Variants in PRELID3A observed in about 807,000 individuals in gnomAD.
PRELID3A encodes the protein PRELI domain containing 3A, also known as PRELI domain containing protein 3A.
In PRELID3A, 27 loss-of-function variants were observed where a neutral mutation model predicts 23.0. The observed-to-expected ratio is 1.17, with a 90% CI of 0.87 to 1.62. The LOEUF (loss-of-function observed/expected upper bound fraction) is 1.62. PRELID3A is among the 40% of genes most tolerant of loss of function. The pLI is 0.00. For synonymous variants in PRELID3A, 87 were observed against 86.4 expected, an observed-to-expected ratio of 1.01 and a Z score of -0.04; for missense variants, 231 against 231.4, an observed-to-expected ratio of 1.00 and a Z score of 0.01.
chr18:12,411,902 T>G (rs1909925617), intron 1 of PRELID3A, among the ~76,000 whole-genome samples: 3 of 146,888 alleles, frequency 2.0e-5, no homozygotes, highest in African/African-American at 7.8e-5. Flanking sequence ...CATATTGTCT[T>G]CTTTTCTTTC....
rs757897275 is a variant in PRELID3A, at chr18:12,420,448, G to C, written c.156G>C (p.Leu52Phe). 5.7e-6 allele frequency: 9 copies of C among 1,575,370 alleles called. No homozygotes were observed. In the South Asian group the frequency reaches 1.0e-4, roughly 18 times the overall value. The change falls in exon 2 of 7, where the codon TTG (leucine) becomes TTC (phenylalanine). Residue 52 changes from leucine to phenylalanine, a missense_variant. Physicochemically the swap from Leu to Phe is conservative, Grantham distance 22 (BLOSUM62 0). Coordinates refer to ENST00000440960, the MANE Select transcript of PRELID3A (RefSeq NM_001142405.2). The part of the protein sequence containing the change: ...RVDGRGRLHS[L>F]RLLSTEWGLP... ...ACGGCCGCGGCCGCCTGCACAGCTT[G>C]CGCCTGCTCAGCACCGAGTGGGGGC...
rs575522620 is a variant in PRELID3A at position 12,411,309 on chromosome 18, A to T, written c.32+3302A>T. ...CTGTCTCTACTAAAAAATAAAAAAA[A>T]AAAAAAATTAGCTGGGCGTGGTGGC... On this transcript the variant is annotated intron_variant, in intron 1 of 6. Coordinates refer to ENST00000440960, the MANE Select transcript of PRELID3A (RefSeq NM_001142405.2). Among the ~76,000 whole-genome samples, 26 of 151,770 alleles carry T rather than the reference A, an allele frequency of 1.7e-4. No individual in the cohort carries two copies. The South Asian group carries it at 3.5e-3, about 21-fold the overall frequency.
rs142827086 is a variant in PRELID3A, at chr18:12,409,977, A to G, written c.32+1970A>G. ...TTCTGTCCTCCTGCAGAGGTGCCCC[A>G]TGCTCATTAGCTTCACATTTTACCC... is the stretch of plus-strand genomic sequence containing the variant. On this transcript the variant is annotated intron_variant, in intron 1 of 6. Coordinates refer to ENST00000440960, the MANE Select transcript of PRELID3A (RefSeq NM_001142405.2). Among the ~76,000 whole-genome samples, 240 of 152,240 alleles carry G rather than the reference A, an allele frequency of 1.6e-3. 2 individuals are homozygous for G. The highest frequency in any genetic ancestry group is 5.3e-3 in the African/African-American group (220 of 41,538).
chr18:12,408,001 T>A lies in PRELID3A; in HGVS notation c.26T>A (p.Val9Glu). The A allele has an allele frequency of 7.8e-7, 1 of 1,287,406 alleles. No individual in the cohort carries two copies. The highest frequency in any genetic ancestry group is 9.8e-7 in the Non-Finnish European group (1 of 1,018,118). 79.7% of individuals were successfully genotyped at this position (1,287,406 alleles called of 1,614,324 possible). The stretch of plus-strand genomic sequence containing the variant: ...ATGAAGATCTGGAGCTCGGAGCACG[T>A]GTTTGGGTGAGGCCGGGCTGAGGGC... MKIWSSEHVFGHPWDTVIQ... is the reference protein window; with the variant it reads MKIWSSEHEFGHPWDTVIQ... Residue 9 changes from valine to glutamate, a missense_variant, in exon 1 of 7, where the codon GTG becomes GAG. Transcript: ENST00000440960.
At chr18:12,430,432 G>T (rs368064707) in intron 6 of PRELID3A, among the ~76,000 whole-genome samples, 870 of 54,186 alleles carry the variant, frequency 0.016, 10 homozygotes, top group Middle Eastern at 0.058. Flanking sequence ...GCATGTTTGT[G>T]TGCTGTGTGT....
At chr18:12,420,241 G>A in intron 1 of PRELID3A, 84 bp from the exon 2 acceptor site, 4 of 1,497,480 alleles carry the variant, frequency 2.7e-6, no homozygotes, top group Non-Finnish European at 3.6e-6. Context: ...GCGTTGCCCA[G>A]GCCTGGCGGC....
At chr18:12,418,388 A>G (rs2030031423) in intron 1 of PRELID3A, among the ~76,000 whole-genome samples, 1 of 152,234 alleles carries the variant, frequency 6.6e-6, no homozygotes, top group African/African-American at 2.4e-5. Context: ...ATGATATAGG[A>G]AAATGTTTAT....
rs371888566 is a variant in PRELID3A, at chr18:12,429,338, T to C, written c.466-12T>C. 7.4e-6 allele frequency: 12 copies of C among 1,613,344 alleles called. No individual in the cohort carries two copies. Among genetic ancestry groups the C allele is most frequent in the African/African-American group, 5.3e-5 (4 of 74,910 alleles). On this transcript the variant is annotated splice_polypyrimidine_tract_variant and intron_variant, in intron 5 of 6. Coordinates refer to ENST00000440960, the MANE Select transcript of PRELID3A (RefSeq NM_001142405.2). Reference sequence around the variant, plus strand: ...ACGACCCACTCAGTGCTGAAATCTTTCTGTGTTGCAGGGGTGGGCTGCTAT... The same window carrying C: ...ACGACCCACTCAGTGCTGAAATCTTCCTGTGTTGCAGGGGTGGGCTGCTAT...
intron 1 of PRELID3A, among the ~76,000 whole-genome samples, chr18:12,417,332 C>A (rs1456019955): frequency 2.0e-5 from 3 of 152,024 alleles, no homozygotes; most frequent in Non-Finnish European, 2.9e-5. Flanking sequence ...TGCCACCATG[C>A]CTGGCTAATT....
chr18:12,421,021 C>T (rs1411402934), intron 2 of PRELID3A, among the ~76,000 whole-genome samples: 1 of 152,204 alleles, frequency 6.6e-6, no homozygotes, highest in African/African-American at 2.4e-5. Flanking sequence ...TTCAGCCCCC[C>T]GTGGCCTCTT....
At chr18:12,425,631 CAA>C (rs571738773) in intron 3 of PRELID3A, among the ~76,000 whole-genome samples, 65 of 122,404 alleles carry the variant, frequency 5.3e-4, no homozygotes, top group African/African-American at 1.5e-3. Flanking sequence ...GACTCCATCT[CAA>C]AAAAAAAAAA....
chr18:12,429,273 C>T (rs2030482348), intron 5 of PRELID3A, 77 bp from the exon 6 acceptor site: 1 of 1,257,242 alleles, frequency 8.0e-7, no homozygotes, highest in African/African-American at 1.5e-5. Flanking sequence ...TGCAGTTTAG[C>T]CTGTGGACTT....
chr18:12,424,803 A>T (rs1187328918), intron 3 of PRELID3A, among the ~76,000 whole-genome samples: 5 of 152,236 alleles, frequency 3.3e-5, no homozygotes, highest in African/African-American at 1.2e-4. Flanking sequence ...TCTGTTGTCC[A>T]GTGTGGCAGC....
At chr18:12,430,227 A>G (rs1047202386) in intron 6 of PRELID3A, among the ~76,000 whole-genome samples, 1 of 152,196 alleles carries the variant, frequency 6.6e-6, no homozygotes, top group Non-Finnish European at 1.5e-5. Context: ...CCCTGAGTTC[A>G]GTGCCTGTAA....
chr18:12,411,400 A>C (rs1909904718), intron 1 of PRELID3A, among the ~76,000 whole-genome samples: 1 of 150,316 alleles, frequency 6.7e-6, no homozygotes, highest in South Asian at 2.1e-4. Flanking sequence ...CGGGAGGCAG[A>C]ACTTGCAGTG....
At chr18:12,410,552 C>A (rs1909874294) in intron 1 of PRELID3A, among the ~76,000 whole-genome samples, 1 of 152,188 alleles carries the variant, frequency 6.6e-6, no homozygotes, top group African/African-American at 2.4e-5. Flanking sequence ...GCTGGACTTA[C>A]TGTGTAGTTT....
intron 1 of PRELID3A, among the ~76,000 whole-genome samples, chr18:12,418,427 C>T (rs1393897072): frequency 6.6e-6 from 1 of 152,018 alleles, no homozygotes; most frequent in Non-Finnish European, 1.5e-5. Context: ...GATGGTAAAC[C>T]CATATATTGA....
chr18:12,418,736 C>A (rs71351478), intron 1 of PRELID3A, among the ~76,000 whole-genome samples: 34 of 152,302 alleles, frequency 2.2e-4, no homozygotes, highest in South Asian at 4.1e-4. Context: ...TGCTAGCAAC[C>A]CCTTAGCAGT....
chr18:12,417,822 A>G (rs1407121970), intron 1 of PRELID3A, among the ~76,000 whole-genome samples: 3 of 152,218 alleles, frequency 2.0e-5, no homozygotes, highest in African/African-American at 4.8e-5. Context: ...GATCAGGACC[A>G]CCCAGTCTTG....
Sources: allele counts gnomAD v4.1 joint callset (sites outside exome capture counted in the v4.1 genomes callset), GRCh38; gene constraint gnomAD v4.1.1; transcripts MANE v1.5; gene names NCBI Gene and HGNC (gene_info 2026-07-23, HGNC 2026-07-21).